APOC1: variants seen among roughly 807,000 people sequenced by gnomAD.
The protein encoded by APOC1 is apolipoprotein C1.
Under a neutral mutation model 6.7 loss-of-function variants are expected in APOC1, and 4 were observed. The observed-to-expected ratio is 0.60, with a 90% CI of 0.29 to 1.37. APOC1 has a LOEUF of 1.37. Among genes scored for constraint, APOC1 ranks in the 40% most tolerant of loss-of-function variants. APOC1 has a pLI of 0.09. For synonymous variants in APOC1, 33 were observed against 40.6 expected (o/e 0.81, Z 0.72); for missense variants, 122 against 99.4 (o/e 1.23, Z -0.97).
chr19:44,918,431 G>C lies in APOC1; in HGVS notation c.195-742G>C, dbSNP rs1038911885. Among the ~76,000 whole-genome samples, 5 of 139,768 alleles carry C rather than the reference G, an allele frequency of 3.6e-5. No homozygotes were observed. The South Asian group carries it at 1.2e-3, about 32-fold the overall frequency. The allele number at this position is 139,768 out of a possible 152,430, so 91.7% of individuals were successfully genotyped here. Reference sequence around the variant, plus strand: ...GGCTGGATTGCAGTGGCCTGATCTCGGCTCACTGCAAGTTCCGCCTCCCGG... The same window carrying C: ...GGCTGGATTGCAGTGGCCTGATCTCCGCTCACTGCAAGTTCCGCCTCCCGG... On this transcript the variant is annotated intron_variant, in intron 3 of 3. Coordinates refer to ENST00000592535, the MANE Select transcript of APOC1 (RefSeq NM_001645.5).
At chr19:44,916,142 A>AAAAAAAAC (rs746178807) in intron 2 of APOC1, 48 bp from the exon 3 acceptor site, 9 of 1,456,822 alleles carry the variant, frequency 6.2e-6, no homozygotes, top group Non-Finnish European at 8.2e-6. Flanking sequence ...ATCTCCAAAA[A>AAAAAAAAC]AAAAAAAAAA....
Position 44,916,459 on chromosome 19 carries a change from C to T in APOC1, c.194+134C>T, listed in dbSNP as rs770852655. ...TGACAACATCCCTCTGGTCACACAG[C>T]TAGATCTCAAGGTGCTCAGACTTCA... On this transcript the variant is annotated intron_variant, in intron 3 of 3. Coordinates refer to ENST00000592535, the MANE Select transcript of APOC1 (RefSeq NM_001645.5). 5 of 1,185,838 alleles carry T rather than the reference C, an allele frequency of 4.2e-6. No individual in the cohort carries two copies. The South Asian group carries it at 7.1e-5, about 17-fold the overall frequency. 73.5% of individuals were successfully genotyped at this position (1,185,838 alleles called of 1,614,324 possible). A position where few individuals can be genotyped will look rare whatever the true frequency, so the allele number is the denominator to read the frequency against.
rs1315382139 is a variant in APOC1 at position 44,919,140 on chromosome 19, C to A, written c.195-33C>A. 9 of 1,597,658 alleles carry A rather than the reference C, an allele frequency of 5.6e-6. No individual in the cohort carries two copies. In the South Asian group the frequency reaches 9.9e-5, roughly 18 times the overall value. The stretch of plus-strand genomic sequence containing the variant: ...TTGGACAGCCTGGGAGGTAGCTGCA[C>A]ACAGTGACCCCCTTCCTTATTCCTC... On this transcript the variant is annotated intron_variant, in intron 3 of 3. Coordinates refer to ENST00000592535, the MANE Select transcript of APOC1 (RefSeq NM_001645.5).
At chr19:44,915,089 G>C (rs1969980171) in intron 2 of APOC1, 140 bp downstream of exon 2, 1 of 849,460 alleles carries the variant, frequency 1.2e-6, no homozygotes, top group Non-Finnish European at 1.9e-6. Flanking sequence ...TGGTCGGGTG[G>C]GTCTCCAGGT....
chr19:44,915,568 G>A (rs1175471777), intron 2 of APOC1, among the ~76,000 whole-genome samples: 1 of 151,302 alleles, frequency 6.6e-6, no homozygotes, highest in Non-Finnish European at 1.5e-5. Context: ...AAAGTGCTGG[G>A]ATTACAGGCG....
At chr19:44,915,158 G>T in intron 2 of APOC1, 1 of 597,248 alleles carries the variant, frequency 1.7e-6, no homozygotes, top group Non-Finnish European at 3.0e-6. Flanking sequence ...AGCAACCGAT[G>T]ACGTATTGAG....
Position 44,919,170 on chromosome 19 carries a change from C to T in APOC1, c.195-3C>T. ...TGACCCCCTTCCTTATTCCTCCCCA[C>T]AGGGAGTGGTTTTCAGAGACATTTC... is the stretch of plus-strand genomic sequence containing the variant. On this transcript the variant is annotated splice_polypyrimidine_tract_variant and splice_region_variant and intron_variant, in intron 3 of 3. Coordinates refer to ENST00000592535, the MANE Select transcript of APOC1 (RefSeq NM_001645.5). 1 of 1,613,548 alleles carries T rather than the reference C, an allele frequency of 6.2e-7. No individual in the cohort carries two copies. Among genetic ancestry groups the T allele is most frequent in the Non-Finnish European group, 8.5e-7 (1 of 1,179,592 alleles).
intron 2 of APOC1, among the ~76,000 whole-genome samples, chr19:44,915,775 T>C (rs1969993142): frequency 1.3e-5 from 2 of 151,844 alleles, no homozygotes; most frequent in African/African-American, 4.8e-5. Context: ...GAAACCAGCC[T>C]GGCCAACATG....
At chr19:44,919,145 T>C (rs1970058036) in intron 3 of APOC1, 28 bp from the exon 4 acceptor site, 13 of 1,604,548 alleles carry the variant, frequency 8.1e-6, no homozygotes, top group Non-Finnish European at 1.1e-5. Flanking sequence ...CTGCACACAG[T>C]GACCCCCTTC....
intron 3 of APOC1, among the ~76,000 whole-genome samples, chr19:44,917,528 T>G (rs1307088378): frequency 6.6e-6 from 1 of 151,522 alleles, no homozygotes; most frequent in African/African-American, 2.4e-5. Flanking sequence ...CAGTGCGCCA[T>G]GTTTGTGCCA....
In APOC1 at chr19:44,914,857, T is replaced by G; in HGVS notation, c.-20-15T>G. 1 of 1,611,130 alleles carries G rather than the reference T, an allele frequency of 6.2e-7. No individual in the cohort carries two copies. The highest frequency in any genetic ancestry group is 8.5e-7 in the Non-Finnish European group (1 of 1,178,154). ...GGGTGCCACTGATCCCCTGAACCCC[T>G]GCCTCTGCCTCCAGAGTGCCCCTCC... On this transcript the variant is annotated splice_polypyrimidine_tract_variant and intron_variant, in intron 1 of 3. Coordinates refer to ENST00000592535, the MANE Select transcript of APOC1 (RefSeq NM_001645.5).
At chr19:44,916,491 G>C (rs2122159514) in intron 3 of APOC1, 166 bp downstream of exon 3, 1 of 903,938 alleles carries the variant, frequency 1.1e-6, no homozygotes, top group Non-Finnish European at 1.6e-6. Context: ...TTCAAGGACA[G>C]TTTCCCTGAC....
intron 3 of APOC1, among the ~76,000 whole-genome samples, chr19:44,918,142 C>G (rs1970040520): frequency 6.7e-6 from 1 of 149,626 alleles, no homozygotes. Context: ...GTGGCAGGCA[C>G]CTGTAGTCCC....
chr19:44,919,026 A>ACCCAG (rs1970056402), intron 3 of APOC1, 147 bp from the exon 4 acceptor site: 1 of 747,448 alleles, frequency 1.3e-6, no homozygotes, highest in South Asian at 1.7e-5. Flanking sequence ...AAGTTGGCCC[A>ACCCAG]CCCAGCCCAG....
At chr19:44,916,399 G>A in intron 3 of APOC1, 74 bp downstream of exon 3, 4 of 1,571,578 alleles carry the variant, frequency 2.5e-6, no homozygotes, top group East Asian at 2.3e-5. Context: ...GGTCCAAGAT[G>A]AACAGATTGA....
chr19:44,916,148 A>AAAAAAAC, intron 2 of APOC1, 42 bp from the exon 3 acceptor site: 2 of 1,510,038 alleles, frequency 1.3e-6, no homozygotes, highest in Non-Finnish European at 1.8e-6. Flanking sequence ...AAAAAAAAAA[A>AAAAAAAC]AAAAAAAACA....
chr19:44,916,298 A>T lies in APOC1; in HGVS notation c.167A>T (p.Lys56Ile). 1 of 1,613,992 alleles carries T rather than the reference A, an allele frequency of 6.2e-7. No homozygotes were observed. The highest frequency in any genetic ancestry group is 2.2e-5 in the East Asian group (1 of 44,882). The change falls in exon 3 of 4, where the codon AAA becomes ATA. Residue 56 changes from lysine (K) to isoleucine (I), a missense_variant. Lys to Ile is a moderately radical substitution (Grantham distance 102, BLOSUM62 -3). Transcript: ENST00000592535. The stretch of plus-strand genomic sequence containing the variant: ...GCTCGGGAACTCATCAGCCGCATCA[A>T]ACAGAGTGAACTTTCTGCCAAGATG... ...DKARELISRI[K>I]QSELSAKMRE...
intron 2 of APOC1, chr19:44,915,275 G>C: frequency 3.1e-6 from 1 of 327,094 alleles, no homozygotes; most frequent in South Asian, 4.8e-5. Flanking sequence ...ATTCCCAGCA[G>C]CTTGAGCCCC....
In APOC1 at chr19:44,916,321, A is replaced by G. The variant is rs758039374; in HGVS notation, c.190A>G (p.Met64Val). 4 of 1,613,634 alleles carry G rather than the reference A, an allele frequency of 2.5e-6. No homozygotes were observed. Among genetic ancestry groups the G allele is most frequent in the Non-Finnish European group, 3.4e-6 (4 of 1,179,942 alleles). The change falls in exon 3 of 4, where the codon ATG becomes GTG. Residue 64 changes from methionine to valine, a missense_variant. Coordinates refer to ENST00000592535, the MANE Select transcript of APOC1 (RefSeq NM_001645.5). ...RIKQSELSAK[M>V]REWFSETFQK... is the part of the protein sequence containing the mutation. ...CAAACAGAGTGAACTTTCTGCCAAG[A>G]TGCGGTTAGAACCCTTCCCAGGGCA...
Sources: gnomAD v4.1 joint callset for allele counts (sites outside exome capture counted in the v4.1 genomes callset) on GRCh38, gnomAD v4.1.1 for gene constraint, MANE v1.5 for transcripts, NCBI Gene and HGNC (gene_info 2026-07-23, HGNC 2026-07-21) for gene names.